The following MBP variants were observed in gnomAD, a reference collection of about 807,000 sequenced individuals.
MBP encodes the protein myelin basic protein, also known as Golli-MBP.
MBP carries 16 observed loss-of-function variants against 35.8 expected under a neutral mutation model. The observed-to-expected ratio is 0.45, with a 90% CI of 0.30 to 0.68. The LOEUF is 0.68. Ranked by LOEUF, MBP falls within the 30% of genes least tolerant of loss-of-function variation. MBP has a pLI of 0.08. For missense variants in MBP, 380 were observed against 404.7 expected (o/e 0.94, Z 0.52); for synonymous variants, 143 against 159.6 (o/e 0.90, Z 0.78).
At chr18:77,070,151 A>T (rs1294963458) in intron 2 of MBP, among the ~76,000 whole-genome samples, 2 of 152,234 alleles carry the variant, frequency 1.3e-5, no homozygotes, top group African/African-American at 4.8e-5. Flanking sequence ...GATTTTCGTG[A>T]TGATAAAACA....
At chr18:77,063,580 G>A (rs994777194) in intron 3 of MBP, among the ~76,000 whole-genome samples, 10 of 152,184 alleles carry the variant, frequency 6.6e-5, no homozygotes, top group African/African-American at 1.9e-4. Context: ...GCAGATATGC[G>A]AGCCTTGCTC....
intron 2 of MBP, among the ~76,000 whole-genome samples, chr18:77,083,601 T>C (rs1039395025): frequency 2.0e-5 from 3 of 152,188 alleles, no homozygotes; most frequent in African/African-American, 7.2e-5. Context: ...TACCAACAGA[T>C]GAATGGGTTA....
chr18:77,120,234 C>T (rs1156405283), intron 1 of MBP, among the ~76,000 whole-genome samples: 1 of 152,238 alleles, frequency 6.6e-6, no homozygotes, highest in African/African-American at 2.4e-5. Flanking sequence ...AGGCTTCTCC[C>T]AACGCTGGCA....
At chr18:77,081,663 GA>G (rs1340111014) in intron 2 of MBP, among the ~76,000 whole-genome samples, 1 of 151,412 alleles carries the variant, frequency 6.6e-6, no homozygotes, top group Non-Finnish European at 1.5e-5. Context: ...GTTACCACAT[GA>G]CCCACAACTC....
At chr18:77,110,979 A>G (rs1976430029) in intron 1 of MBP, among the ~76,000 whole-genome samples, 1 of 152,124 alleles carries the variant, frequency 6.6e-6, no homozygotes, top group Non-Finnish European at 1.5e-5. Context: ...TCGACATCCC[A>G]GGTGCTTTGG....
chr18:77,106,298 T>C (rs763855228), intron 1 of MBP, among the ~76,000 whole-genome samples: 14 of 152,168 alleles, frequency 9.2e-5, no homozygotes, highest in Non-Finnish European at 1.8e-4. Context: ...GAAAAGAGAA[T>C]TGCCTGACAG....
Position 77,014,893 on chromosome 18 carries a change from A to G in MBP, c.576+1939T>C, listed in dbSNP as rs982349334. 5.1e-6 allele frequency: 5 copies of G among 983,706 alleles called. No homozygotes were observed. In the East Asian group the frequency reaches 5.7e-4, roughly 112 times the overall value. The allele number at this position is 983,706 out of a possible 1,614,324, so 60.9% of individuals were successfully genotyped here. Reference sequence around the variant, plus strand: ...ACACTCCATAGTGAAAAGAATGGATACTTCAAAATTCCTAAAGCAATCATG... The same window carrying G: ...ACACTCCATAGTGAAAAGAATGGATGCTTCAAAATTCCTAAAGCAATCATG... On this transcript the variant is annotated intron_variant, in intron 4 of 8. Coordinates refer to ENST00000355994, the MANE Select transcript of MBP (RefSeq NM_001025101.2).
At position 77,048,961 on chromosome 18, in the gene MBP, C is replaced by A. The variant is rs529834704; in HGVS notation, c.139+17337G>T. Among the ~76,000 whole-genome samples the A allele has an allele frequency of 2.1e-3, 321 of 149,906 alleles. 1 individual carries two copies. Among genetic ancestry groups the A allele is most frequent in the African/African-American group, 7.2e-3 (293 of 40,670 alleles). ...TTGATATGGAGTCTCGCTCTGTCAC[C>A]CAGGCTGGAGTGCAGTGGCATGGTG... On this transcript the variant is annotated intron_variant, in intron 3 of 8. Coordinates refer to ENST00000355994, the MANE Select transcript of MBP (RefSeq NM_001025101.2).
At chr18:76,997,261 A>G (rs1041172113) in intron 4 of MBP, among the ~76,000 whole-genome samples, 3 of 152,234 alleles carry the variant, frequency 2.0e-5, no homozygotes, top group African/African-American at 7.2e-5. Context: ...ATAGAAAGTG[A>G]CCAGAGGAAC....
intron 3 of MBP, among the ~76,000 whole-genome samples, chr18:77,029,420 AC>A (rs1355650378): frequency 1.1e-5 from 1 of 91,500 alleles, no homozygotes; most frequent in Non-Finnish European, 2.0e-5. Flanking sequence ...GGAGAGGGAG[AC>A]CGTGGGGAGA....
At chr18:77,032,029 T>G (rs1165191039) in intron 3 of MBP, among the ~76,000 whole-genome samples, 1 of 152,160 alleles carries the variant, frequency 6.6e-6, no homozygotes, top group African/African-American at 2.4e-5. Flanking sequence ...GAGGAGAGCT[T>G]GGGGCTAAAG....
At chr18:76,999,295 G>A (rs1264063399) in intron 4 of MBP, among the ~76,000 whole-genome samples, 1 of 152,094 alleles carries the variant, frequency 6.6e-6, no homozygotes, top group African/African-American at 2.4e-5. Flanking sequence ...AGACCGCTGA[G>A]GGCCTGGGCC....
At chr18:77,073,658 C>G (rs79295564) in intron 2 of MBP, among the ~76,000 whole-genome samples, 2,222 of 152,328 alleles carry the variant, frequency 0.015, 45 homozygotes, top group African/African-American at 0.051. Flanking sequence ...CTCTATCTTC[C>G]TAGCCTGTTC....
rs1403861129 is a variant in MBP, at chr18:77,102,071, C to G, written c.51+3140G>C. Among the ~76,000 whole-genome samples, 1 of 151,968 alleles carries G rather than the reference C, an allele frequency of 6.6e-6. No homozygotes were observed. Among genetic ancestry groups the G allele is most frequent in the Non-Finnish European group, 1.5e-5 (1 of 68,018 alleles). ...ATAAACAAATCACCAGGATCTGTAT[C>G]AGAGCACTCAGCCGCAGGCTCTATG... On this transcript the variant is annotated intron_variant, in intron 2 of 8. Coordinates refer to ENST00000355994, the MANE Select transcript of MBP (RefSeq NM_001025101.2). The surrounding 1 kb of genome is among the most constrained non-coding windows in gnomAD (Gnocchi z 4.4).
At chr18:77,031,941 G>T (rs1972557702) in intron 3 of MBP, among the ~76,000 whole-genome samples, 1 of 152,244 alleles carries the variant, frequency 6.6e-6, no homozygotes, top group Non-Finnish European at 1.5e-5. Context: ...TAGATAGTCT[G>T]CTCCCTGCCT....
At chr18:77,114,821 A>G (rs1001974350) in intron 1 of MBP, 2 of 152,412 alleles carry the variant, frequency 1.3e-5, no homozygotes, top group African/African-American at 4.8e-5. Flanking sequence ...TGCGGTGCGC[A>G]AGCCGCCCAA....
At position 76,987,309 on chromosome 18, in the gene MBP, T is replaced by C. The variant is rs1228660272; in HGVS notation, c.750+1186A>G. 16 of 985,338 alleles carry C rather than the reference T, an allele frequency of 1.6e-5. No individual in the cohort carries two copies. In the African/African-American group the frequency reaches 2.8e-4, roughly 17 times the overall value. 61.0% of individuals were successfully genotyped at this position (985,338 alleles called of 1,614,324 possible). A position where few individuals can be genotyped will look rare whatever the true frequency, so the allele number is the denominator to read the frequency against. On this transcript the variant is annotated intron_variant, in intron 7 of 8. Coordinates refer to ENST00000355994, the MANE Select transcript of MBP (RefSeq NM_001025101.2). ...GCTGGCATAGAAAATAAAAAATTAA[T>C]TGTGAGTACTAGTCCATGTACATTT...
intron 7 of MBP, chr18:76,986,948 C>G (rs567389828): frequency 1.0e-6 from 1 of 985,404 alleles, no homozygotes; most frequent in South Asian, 4.7e-5. Context: ...AGTGGGGGCT[C>G]TCTGGAACTC....
chr18:77,025,705 C>CTTTTTTTTTTTTTTTTTTTTT lies in MBP; in HGVS notation c.140-8438_140-8437insAAAAAAAAAAAAAAAAAAAAA, dbSNP rs540022394. ...GCGGACACTGTCCTCTATTGAAATA[C>CTTTTTTTTTTTTTTTTTTTTT]TTTTTTTTTTTTTTTTTTTTACCTA... On this transcript the variant is annotated intron_variant, in intron 3 of 8. Coordinates refer to ENST00000355994, the MANE Select transcript of MBP (RefSeq NM_001025101.2). Among the ~76,000 whole-genome samples, 3 of 108,830 alleles carry CTTTTTTTTTTTTTTTTTTTTT rather than the reference C, an allele frequency of 2.8e-5. 1 individual carries two copies. Among genetic ancestry groups the CTTTTTTTTTTTTTTTTTTTTT allele is most frequent in the African/African-American group, 1.2e-4 (3 of 24,552 alleles). The allele number at this position is 108,830 out of a possible 152,430, so 71.4% of individuals were successfully genotyped here.
Sources: allele counts gnomAD v4.1 joint callset (sites outside exome capture counted in the v4.1 genomes callset), GRCh38; gene constraint gnomAD v4.1.1; non-coding constraint Gnocchi (gnomAD v3.1); transcripts MANE v1.5; gene names NCBI Gene and HGNC (gene_info 2026-07-23, HGNC 2026-07-21).